The following NCAM2 variants were observed in gnomAD, a reference collection of about 807,000 sequenced individuals.
The protein encoded by NCAM2 is neural cell adhesion molecule 2, also known as N-CAM-2.
In NCAM2, 30 loss-of-function variants were observed where a neutral mutation model predicts 98.1. The observed-to-expected ratio is 0.31, with a 90% CI of 0.23 to 0.41. The LOEUF (loss-of-function observed/expected upper bound fraction) is 0.41, where lower values mean the gene tolerates loss of function less well. NCAM2 is among the 10% of genes least tolerant of loss of function. The pLI is 1.00. For missense variants in NCAM2, 867 were observed against 1,005.8 expected, an observed-to-expected ratio of 0.86 and a Z score of 1.87; for synonymous variants, 368 against 342.4, an observed-to-expected ratio of 1.07 and a Z score of -0.83.
At chr21:21,197,419 C>T (rs1048898893) in intron 1 of NCAM2, among the ~76,000 whole-genome samples, 2 of 152,124 alleles carry the variant, frequency 1.3e-5, no homozygotes, top group Non-Finnish European at 1.5e-5. Flanking sequence ...TGTGAGCCAC[C>T]GTGCCCAGCC....
chr21:21,354,812 C>A (rs1391170241), intron 8 of NCAM2, among the ~76,000 whole-genome samples: 1 of 125,744 alleles, frequency 8.0e-6, no homozygotes, highest in African/African-American at 3.1e-5. Context: ...AAAAGAAACT[C>A]ATTTACTTCC....
chr21:21,321,821 G>T (rs1019690131), intron 5 of NCAM2, among the ~76,000 whole-genome samples: 1 of 152,136 alleles, frequency 6.6e-6, no homozygotes, highest in African/African-American at 2.4e-5. Flanking sequence ...AATAACAGGT[G>T]CCGTCAAGAC....
At chr21:21,164,826 G>C (rs1313144099) in intron 1 of NCAM2, among the ~76,000 whole-genome samples, 4 of 152,064 alleles carry the variant, frequency 2.6e-5, no homozygotes, top group African/African-American at 9.7e-5. Context: ...TACCAATGTA[G>C]GGTTTACTCT....
At chr21:21,071,762 A>G (rs758397138) in intron 1 of NCAM2, among the ~76,000 whole-genome samples, 154 of 152,310 alleles carry the variant, frequency 1.0e-3, no homozygotes, top group Non-Finnish European at 1.7e-3. Context: ...ATGGCATTTT[A>G]ATAAGCAAAT....
chr21:21,170,951 A>AG (rs2068104268), intron 1 of NCAM2, among the ~76,000 whole-genome samples: 2 of 151,758 alleles, frequency 1.3e-5, no homozygotes, highest in Admixed American at 6.6e-5. Context: ...TTGATTGCTA[A>AG]AAAAAAATGT....
chr21:21,416,511 G>GAA (rs1569039484), intron 10 of NCAM2, among the ~76,000 whole-genome samples: 1 of 126,756 alleles, frequency 7.9e-6, no homozygotes, highest in Non-Finnish European at 1.7e-5. Context: ...AAAAAGAAAA[G>GAA]AAAAAAGAAA....
At chr21:21,128,597 G>A (rs1012053278) in intron 1 of NCAM2, among the ~76,000 whole-genome samples, 3 of 152,150 alleles carry the variant, frequency 2.0e-5, no homozygotes, top group Non-Finnish European at 4.4e-5. Flanking sequence ...CAAAGTAAAA[G>A]TAGTGTCGAA....
intron 9 of NCAM2, among the ~76,000 whole-genome samples, chr21:21,396,446 T>A (rs1209335778): frequency 6.6e-6 from 1 of 152,214 alleles, no homozygotes; most frequent in Non-Finnish European, 1.5e-5. Context: ...ATCTTTACAG[T>A]GTCACTTTGC....
At chr21:21,477,260 T>G (rs1254171772) in intron 14 of NCAM2, 31 bp from the exon 15 acceptor site, 7 of 1,538,544 alleles carry the variant, frequency 4.5e-6, no homozygotes, top group Middle Eastern at 3.5e-4. Context: ...TGTATGGATA[T>G]TTACAAACTG....
chr21:21,487,532 C>T (rs769918788), intron 15 of NCAM2, among the ~76,000 whole-genome samples: 12 of 151,952 alleles, frequency 7.9e-5, no homozygotes, highest in Middle Eastern at 3.4e-3. Flanking sequence ...TGTATTGTAT[C>T]GTTCACTGTT....
intron 14 of NCAM2, among the ~76,000 whole-genome samples, chr21:21,469,425 A>C (rs1984139676): frequency 6.6e-6 from 1 of 151,992 alleles, no homozygotes; most frequent in Non-Finnish European, 1.5e-5. Flanking sequence ...AAGCCACTGA[A>C]AATAATTTCT....
intron 10 of NCAM2, among the ~76,000 whole-genome samples, chr21:21,418,195 T>G (rs796909234): frequency 2.6e-5 from 4 of 152,164 alleles, no homozygotes; most frequent in African/African-American, 9.6e-5. Flanking sequence ...GGTTATGCTA[T>G]TTAATAGATA....
intron 15 of NCAM2, among the ~76,000 whole-genome samples, chr21:21,500,260 C>T (rs1987541918): frequency 6.6e-6 from 1 of 151,896 alleles, no homozygotes; most frequent in African/African-American, 2.4e-5. Flanking sequence ...CTAATTGATA[C>T]AATTAAAGGA....
At chr21:21,400,033 A>G (rs1396099900) in intron 9 of NCAM2, among the ~76,000 whole-genome samples, 1 of 152,210 alleles carries the variant, frequency 6.6e-6, no homozygotes, top group Non-Finnish European at 1.5e-5. Context: ...GGGAGGGGGC[A>G]TTTATCAAAA....
At chr21:21,181,737 G>A (rs961171661) in intron 1 of NCAM2, among the ~76,000 whole-genome samples, 7 of 151,898 alleles carry the variant, frequency 4.6e-5, no homozygotes, top group East Asian at 3.9e-4. Context: ...CTTTGTGACC[G>A]TTCCTTTAGT....
intron 1 of NCAM2, among the ~76,000 whole-genome samples, chr21:21,264,707 A>G (rs902320169): frequency 1.3e-4 from 19 of 149,270 alleles, no homozygotes; most frequent in Non-Finnish European, 1.9e-4. Context: ...ATACACACAC[A>G]TACATCATTT....
chr21:21,175,568 G>T (rs2068259707), intron 1 of NCAM2, among the ~76,000 whole-genome samples: 1 of 152,034 alleles, frequency 6.6e-6, no homozygotes, highest in Admixed American at 6.6e-5. Flanking sequence ...ATAAAACAGG[G>T]TGGTAACATT....
intron 1 of NCAM2, among the ~76,000 whole-genome samples, chr21:21,000,859 G>A (rs2064008193): frequency 6.6e-6 from 1 of 152,056 alleles, no homozygotes; most frequent in African/African-American, 2.4e-5. Flanking sequence ...TAAGGATGCA[G>A]CAGCAAGTAT....
At chr21:21,047,992 A>T (rs6518054) in intron 1 of NCAM2, among the ~76,000 whole-genome samples, 143,216 of 152,228 alleles carry the variant, frequency 0.94, 67,992 homozygotes, top group East Asian at 1. Flanking sequence ...CTTGGCATAC[A>T]ATGAAATTGT....
Sources: gnomAD v4.1 joint callset for allele counts (sites outside exome capture counted in the v4.1 genomes callset) on GRCh38, gnomAD v4.1.1 for gene constraint, MANE v1.5 for transcripts, NCBI Gene and HGNC (gene_info 2026-07-23, HGNC 2026-07-21) for gene names.